The following CSTPP1 variants were observed in gnomAD, a reference collection of about 807,000 sequenced individuals.
CSTPP1 encodes centriolar satellite-associated tubulin polyglutamylase complex regulator 1.
the CSTPP1 span, chr11:47,161,558 T>C: frequency 6.2e-7 from 1 of 1,614,012 alleles, no homozygotes; most frequent in East Asian, 2.2e-5. Context: ...TGGCTCTCCC[T>C]GGAGACCTCT....
At chr11:47,032,233 G>T in the CSTPP1 span, among the ~76,000 whole-genome samples, 1 of 152,056 alleles carries the variant, frequency 6.6e-6, no homozygotes, top group Non-Finnish European at 1.5e-5. Flanking sequence ...TTATTTTATT[G>T]TCAAAACTAA....
the CSTPP1 span, among the ~76,000 whole-genome samples, chr11:47,097,247 C>T: frequency 2.5e-5 from 3 of 117,848 alleles, no homozygotes; most frequent in Admixed American, 1.8e-4. Context: ...CCCCTCTGCC[C>T]GGCCAGCCGC....
the CSTPP1 span, among the ~76,000 whole-genome samples, chr11:47,094,763 CAT>C: frequency 6.6e-6 from 1 of 152,180 alleles, no homozygotes; most frequent in Non-Finnish European, 1.5e-5. Context: ...GAATAACAAA[CAT>C]TGCCATCATC....
chr11:47,052,403 C>T, the CSTPP1 span: 1 of 1,613,698 alleles, frequency 6.2e-7, no homozygotes, highest in Non-Finnish European at 8.5e-7. Flanking sequence ...ACAGTGTATG[C>T]CAGGGAACAC....
At chr11:47,105,403 A>T in the CSTPP1 span, among the ~76,000 whole-genome samples, 1 of 152,122 alleles carries the variant, frequency 6.6e-6, no homozygotes, top group Admixed American at 6.5e-5. Context: ...CAGGAGGCTG[A>T]GGTGGGAGGA....
the CSTPP1 span, among the ~76,000 whole-genome samples, chr11:47,156,138 T>G: frequency 6.6e-6 from 1 of 152,236 alleles, no homozygotes; most frequent in Non-Finnish European, 1.5e-5. Context: ...TTCTGTTTAC[T>G]TGATGGCAGC....
At chr11:46,949,322 T>A in the CSTPP1 span, among the ~76,000 whole-genome samples, 1 of 152,224 alleles carries the variant, frequency 6.6e-6, no homozygotes, top group Admixed American at 6.5e-5. Context: ...TTTAGAAACA[T>A]GATTGTCTTC....
the CSTPP1 span, among the ~76,000 whole-genome samples, chr11:47,070,204 G>A: frequency 1.3e-5 from 2 of 152,114 alleles, no homozygotes; most frequent in African/African-American, 4.8e-5. Context: ...CCACTGATCT[G>A]CAGCCTGGGC....
the CSTPP1 span, among the ~76,000 whole-genome samples, chr11:47,130,174 T>C: frequency 6.6e-6 from 1 of 151,872 alleles, no homozygotes; most frequent in South Asian, 2.1e-4. Flanking sequence ...GGAGACTCGC[T>C]TGAACTCGGG....
At chr11:47,154,009 C>T in the CSTPP1 span, among the ~76,000 whole-genome samples, 1 of 151,898 alleles carries the variant, frequency 6.6e-6, no homozygotes, top group Non-Finnish European at 1.5e-5. Flanking sequence ...GTGTGATCTC[C>T]GCTCACTGCA....
At chr11:46,998,926 G>A in the CSTPP1 span, among the ~76,000 whole-genome samples, 3 of 152,086 alleles carry the variant, frequency 2.0e-5, no homozygotes, top group East Asian at 5.8e-4. Flanking sequence ...ATTTTTAGTA[G>A]AGAGGGGGCT....
chr11:47,008,126 C>T, the CSTPP1 span, among the ~76,000 whole-genome samples: 1 of 152,228 alleles, frequency 6.6e-6, no homozygotes, highest in East Asian at 1.9e-4. Flanking sequence ...CGCCACCATG[C>T]CAGGCTAATT....
the CSTPP1 span, among the ~76,000 whole-genome samples, chr11:46,999,646 T>G: frequency 3.3e-5 from 5 of 152,204 alleles, no homozygotes; most frequent in African/African-American, 1.2e-4. Context: ...TATGGCCTTT[T>G]GGGGGATGCA....
the CSTPP1 span, among the ~76,000 whole-genome samples, chr11:46,959,594 C>T: frequency 3.3e-5 from 5 of 152,166 alleles, no homozygotes; most frequent in Admixed American, 6.5e-5. Context: ...CTTACTCCCA[C>T]GGCTTTAGAG....
At chr11:47,108,057 A>G in the CSTPP1 span, among the ~76,000 whole-genome samples, 2 of 152,284 alleles carry the variant, frequency 1.3e-5, no homozygotes, top group Non-Finnish European at 1.5e-5. Flanking sequence ...AGAGGCATCC[A>G]GTATATTGCA....
the CSTPP1 span, among the ~76,000 whole-genome samples, chr11:46,996,635 T>C: frequency 1.3e-5 from 2 of 152,314 alleles, no homozygotes; most frequent in South Asian, 2.1e-4. Context: ...TTTTGCTCTT[T>C]AGTTGATGCA....
chr11:47,061,354 TA>T, the CSTPP1 span, among the ~76,000 whole-genome samples: 2 of 152,246 alleles, frequency 1.3e-5, no homozygotes, highest in Admixed American at 6.5e-5. Flanking sequence ...TTAGTTTTTC[TA>T]AAATATCTAT....
chr11:46,954,848 A>G, the CSTPP1 span, among the ~76,000 whole-genome samples: 1 of 142,402 alleles, frequency 7.0e-6, no homozygotes. Flanking sequence ...TATTCATTGT[A>G]TTTTCCCAGG....
chr11:46,976,381 G>A, the CSTPP1 span, among the ~76,000 whole-genome samples: 421 of 131,628 alleles, frequency 3.2e-3, 3 homozygotes, highest in African/African-American at 0.011. Flanking sequence ...TTCAGAGTAA[G>A]CTAGGTTTCA....
Sources: gnomAD v4.1 joint callset for allele counts (sites outside exome capture counted in the v4.1 genomes callset) on GRCh38, gnomAD v4.1.1 for gene constraint, MANE v1.5 for transcripts, NCBI Gene and HGNC (gene_info 2026-07-23, HGNC 2026-07-21) for gene names.